CDK5RAP3: variants seen among roughly 807,000 people sequenced by gnomAD.
The protein encoded by CDK5RAP3 is CDK5 regulatory subunit associated protein 3.
Under a neutral mutation model 73.3 loss-of-function variants are expected in CDK5RAP3, and 58 were observed. The ratio of observed to expected loss-of-function variants is 0.79; its 90% CI spans 0.64 to 0.98. The LOEUF is 0.98. CDK5RAP3 is among the 50% of genes least tolerant of loss of function. The pLI, the probability that CDK5RAP3 is intolerant of heterozygous loss-of-function variation, is 0.00. For synonymous variants in CDK5RAP3, 224 were observed against 247.5 expected (o/e 0.91, Z 0.89); for missense variants, 525 against 615.8 (o/e 0.85, Z 1.56).
rs764452448 is a variant in CDK5RAP3 at position 47,980,626 on chromosome 17, T to C, written c.1111T>C (p.Leu371=). 7 of 1,613,218 alleles carry C rather than the reference T, an allele frequency of 4.3e-6. No homozygotes were observed. The South Asian group carries it at 7.7e-5, about 18-fold the overall frequency. ...CTTCTTAGCCCAGAGAGCAGTGGAG[T>C]TGAGTGAGGAGGCAGATGTCCTGTC... is the stretch of plus-strand genomic sequence containing the variant. ...EIFLAQRAVE[L]SEEADVLSVS... Residue 371 remains leucine, a synonymous_variant, in exon 12 of 14, where the codon TTG becomes CTG. Coordinates refer to ENST00000338399, the MANE Select transcript of CDK5RAP3 (RefSeq NM_176096.3).
Position 47,974,216 on chromosome 17 carries a change from C to T in CDK5RAP3, c.286-184C>T, listed in dbSNP as rs1446254485. 11 of 709,558 alleles carry T rather than the reference C, an allele frequency of 1.6e-5. No homozygotes were observed. In the Admixed American group the frequency reaches 2.8e-4, roughly 18 times the overall value. The allele number at this position is 709,558 out of a possible 1,614,324, so 44.0% of individuals were successfully genotyped here. A position where few individuals can be genotyped will look rare whatever the true frequency, so the allele number is the denominator to read the frequency against. On this transcript the variant is annotated intron_variant, in intron 4 of 13. Transcript: ENST00000338399. The stretch of plus-strand genomic sequence containing the variant: ...TCCCTGAGTTTAATTTTCAAACCCA[C>T]TGCTTTAGGGATTGCCTGCACTCTT...
chr17:47,976,881 G>A, intron 9 of CDK5RAP3, 59 bp downstream of exon 9: 3 of 1,126,054 alleles, frequency 2.7e-6, no homozygotes, highest in South Asian at 3.0e-5. Context: ...TAAGAAAAGT[G>A]TCATTTGTGT....
At chr17:47,980,558 T>C (rs1598231455) in intron 11 of CDK5RAP3, 35 bp from the exon 12 acceptor site, 1 of 1,598,690 alleles carries the variant, frequency 6.3e-7, no homozygotes, top group Non-Finnish European at 8.6e-7. Flanking sequence ...TGAGCCATCA[T>C]GTACAGCCTG....
rs756247120 is a variant in CDK5RAP3 at position 47,975,933 on chromosome 17, G to A, written c.718G>A (p.Glu240Lys). The part of the protein sequence containing the change: ...VQKRGNSTVY[E>K]WRTGTEPSVV... ...GAAGCGGGGAAACTCAACGGTGTACGAGTGGAGGACAGGGACAGAGCCCTC... is the reference window on the plus strand; with the variant it reads ...GAAGCGGGGAAACTCAACGGTGTACAAGTGGAGGACAGGGACAGAGCCCTC... Residue 240 changes from glutamate (E) to lysine (K), a missense_variant, in exon 8 of 14, where the codon GAG becomes AAG. Coordinates refer to ENST00000338399, the MANE Select transcript of CDK5RAP3 (RefSeq NM_176096.3). 26 of 1,614,062 alleles carry A rather than the reference G, an allele frequency of 1.6e-5. No individual in the cohort carries two copies. Among genetic ancestry groups the A allele is most frequent in the East Asian group, 8.9e-5 (4 of 44,898 alleles).
At chr17:47,970,803 C>T (rs2036240974), upstream of CDK5RAP3, 3 of 1,437,052 alleles carry the variant, frequency 2.1e-6, no homozygotes, top group Non-Finnish European at 2.8e-6. Flanking sequence ...ACCCAGTGCC[C>T]GCCAGGGGAA....
Position 47,981,199 on chromosome 17 carries a change from GCTGAAGCAGT to G in CDK5RAP3, c.1322_1331del (p.Leu441ProfsTer6). On this transcript the variant is annotated frameshift_variant, in exon 13 of 14. Transcript: ENST00000338399. LOFTEE classifies it high-confidence loss of function. The stretch of plus-strand genomic sequence containing the variant: ...GAGTGACTGAATTCCTCCAGCAAAA[GCTGAAGCAGT>G]CCCAGCTGCTGGCTTTGAAGAAAGA... 1 of 1,614,236 alleles carries G rather than the reference GCTGAAGCAGT, an allele frequency of 6.2e-7. No individual in the cohort carries two copies.
At position 47,980,681 on chromosome 17, in the gene CDK5RAP3, T is replaced by C; in HGVS notation, c.1166T>C (p.Ile389Thr). The change falls in exon 12 of 14, where the codon ATC becomes ACC. Residue 389 changes from isoleucine (I) to threonine (T), a missense_variant. Ile to Thr is a moderately conservative substitution (Grantham distance 89). Coordinates refer to ENST00000338399, the MANE Select transcript of CDK5RAP3 (RefSeq NM_176096.3). ...SVSQFQLAPAILQGQTKEKMV... is the reference protein window; with the variant it reads ...SVSQFQLAPATLQGQTKEKMV... The stretch of plus-strand genomic sequence containing the variant: ...AGCCAGTTCCAGCTGGCTCCAGCCA[T>C]CCTGCAGGGCCAGACCAAAGAGAAG... 6.2e-7 allele frequency: 1 copy of C among 1,614,148 alleles called. No homozygotes were observed. The highest frequency in any genetic ancestry group is 1.1e-5 in the South Asian group (1 of 91,084).
At chr17:47,974,096 CTG>C in intron 4 of CDK5RAP3, 65 bp downstream of exon 4, 1 of 1,137,136 alleles carries the variant, frequency 8.8e-7, no homozygotes, top group South Asian at 1.2e-5. Flanking sequence ...GTCATAGCCT[CTG>C]TGGTCTCTCT....
At chr17:47,981,114 T>C (rs1362908242) in intron 12 of CDK5RAP3, 49 bp from the exon 13 acceptor site, 1 of 1,563,400 alleles carries the variant, frequency 6.4e-7, no homozygotes, top group South Asian at 1.2e-5. Context: ...TGAATGGGAA[T>C]GCTCAGGATG....
intron 9 of CDK5RAP3, among the ~76,000 whole-genome samples, chr17:47,977,190 C>T (rs1686684150): frequency 1.3e-5 from 2 of 152,066 alleles, no homozygotes; most frequent in African/African-American, 4.8e-5. Context: ...ACTCTGTCGC[C>T]CAGGCTGGAG....
intron 4 of CDK5RAP3, 58 bp downstream of exon 4, chr17:47,974,089 A>G (rs1398807788): frequency 4.9e-6 from 6 of 1,220,376 alleles, no homozygotes; most frequent in African/African-American, 1.5e-5. Flanking sequence ...CCGAGGAGTC[A>G]TAGCCTCTGT....
At chr17:47,969,267 A>G (rs955703485), upstream of CDK5RAP3, among the ~76,000 whole-genome samples, 1 of 151,796 alleles carries the variant, frequency 6.6e-6, no homozygotes, top group Admixed American at 6.6e-5. Flanking sequence ...TAGAAATGGC[A>G]TACCCAGGGC....
At chr17:47,974,621 G>C (rs1399321585) in intron 5 of CDK5RAP3, 173 bp downstream of exon 5, 1 of 1,434,532 alleles carries the variant, frequency 7.0e-7, no homozygotes, top group East Asian at 2.6e-5. Flanking sequence ...GATTTTCCCT[G>C]AGTGGAGTGC....
upstream of CDK5RAP3, chr17:47,971,110 G>T: frequency 2.6e-6 from 4 of 1,551,956 alleles, no homozygotes; most frequent in Non-Finnish European, 3.5e-6. Context: ...GGCGGGGCGG[G>T]CCACAGTCTC....
chr17:47,975,977 C>G lies in CDK5RAP3; in HGVS notation c.762C>G (p.His254Gln). Reference protein sequence around the residue: ...GTEPSVVERPHLEELPEQVAE... With the variant: ...GTEPSVVERPQLEELPEQVAE... The stretch of plus-strand genomic sequence containing the variant: ...AGCCCTCTGTGGTGGAACGACCCCA[C>G]CTCGAGGAGCTTCCTGAGCAGGTGG... Residue 254 changes from histidine (H) to glutamine (Q), a missense_variant, in exon 8 of 14, where the codon CAC (histidine) becomes CAG (glutamine). Transcript: ENST00000338399. 1.1e-5 allele frequency: 18 copies of G among 1,614,152 alleles called. No homozygotes were observed. The highest frequency in any genetic ancestry group is 1.5e-5 in the Non-Finnish European group (18 of 1,180,042).
chr17:47,976,819 A>G lies in CDK5RAP3; in HGVS notation c.906A>G (p.Ser302=). ...IDWGIFPESD[S]KDPGGDGIDW... is the part of the protein sequence containing the mutation. ...GGGGCATCTTCCCGGAATCAGATTC[A>G]AAGGTGAGGAGGCCTTCTCAGTCTG... Residue 302 remains serine, a synonymous_variant, in exon 9 of 14, where the codon TCA becomes TCG. Coordinates refer to ENST00000338399, the MANE Select transcript of CDK5RAP3 (RefSeq NM_176096.3). The G allele has an allele frequency of 6.3e-7, 1 of 1,596,794 alleles. No homozygotes were observed. The highest frequency in any genetic ancestry group is 8.6e-7 in the Non-Finnish European group (1 of 1,167,980).
Position 47,981,729 on chromosome 17 carries a change from T to G in CDK5RAP3, c.*227T>G, listed in dbSNP as rs1204635062. ...ATCAGGCGAAAACCACAGATTCTCC[T>G]TCTAGTTAGTATAGCGGACTTAATA... is the stretch of plus-strand genomic sequence containing the variant. On this transcript the variant is annotated 3_prime_UTR_variant, in exon 14 of 14. Coordinates refer to ENST00000338399, the MANE Select transcript of CDK5RAP3 (RefSeq NM_176096.3). 5.3e-6 allele frequency: 8 copies of G among 1,523,622 alleles called. No individual in the cohort carries two copies. Among genetic ancestry groups the G allele is most frequent in the Non-Finnish European group, 7.0e-6 (8 of 1,138,956 alleles). The allele number at this position is 1,523,622 out of a possible 1,614,324, so 94.4% of individuals were successfully genotyped here. A position where few individuals can be genotyped will look rare whatever the true frequency, so the allele number is the denominator to read the frequency against.
intron 10 of CDK5RAP3, among the ~76,000 whole-genome samples, chr17:47,978,322 C>T (rs1042156474): frequency 6.6e-6 from 1 of 151,896 alleles, no homozygotes; most frequent in African/African-American, 2.4e-5. Context: ...CCACCTGCCT[C>T]GGCCTCCCAA....
chr17:47,980,337 T>A, intron 11 of CDK5RAP3: 1 of 485,038 alleles, frequency 2.1e-6, no homozygotes, highest in Non-Finnish European at 3.8e-6. Flanking sequence ...GCAGCAATCA[T>A]AGCTCACTAT....
Sources: allele counts gnomAD v4.1 joint callset (sites outside exome capture counted in the v4.1 genomes callset), GRCh38; gene constraint gnomAD v4.1.1; transcripts MANE v1.5; gene names NCBI Gene and HGNC (gene_info 2026-07-23, HGNC 2026-07-21).